Variants in CFAP69 observed in about 807,000 individuals in gnomAD.
The protein encoded by CFAP69 is cilia and flagella associated protein 69.
Under a neutral mutation model 123.0 loss-of-function variants are expected in CFAP69, and 92 were observed. The observed-to-expected ratio is 0.75, with a 90% CI of 0.63 to 0.89. The LOEUF is 0.89. Ranked by LOEUF, CFAP69 falls within the 40% of genes least tolerant of loss-of-function variation. The pLI, the probability that CFAP69 is intolerant of heterozygous loss-of-function variation, is 0.00. For synonymous variants in CFAP69, 380 were observed against 364.3 expected, an observed-to-expected ratio of 1.04 and a Z score of -0.49; for missense variants, 1,067 against 1,096.9, an observed-to-expected ratio of 0.97 and a Z score of 0.39.
intron 21 of CFAP69, among the ~76,000 whole-genome samples, chr7:90,308,087 T>C (rs1793870600): frequency 6.6e-6 from 1 of 152,204 alleles, no homozygotes; most frequent in Non-Finnish European, 1.5e-5. Context: ...GCTGATGTTC[T>C]TGACCTACAT....
In CFAP69 at chr7:90,255,443, C is replaced by T. The variant is rs753783546; in HGVS notation, c.141C>T (p.Asp47=). 34 of 1,612,578 alleles carry T rather than the reference C, an allele frequency of 2.1e-5. No individual in the cohort carries two copies. The highest frequency in any genetic ancestry group is 2.6e-5 in the Non-Finnish European group (31 of 1,179,202). Residue 47 remains aspartate, a synonymous_variant, in exon 2 of 23, where the codon GAC becomes GAT. Transcript: ENST00000389297. The part of the protein sequence containing the change: ...DEAQDVFKPM[D]LNRVIKLLEE... ...TTTAGGATGTTTTCAAGCCTATGGA[C>T]CTTAATCGTGTCATCAAACTCCTCG...
intron 4 of CFAP69, among the ~76,000 whole-genome samples, chr7:90,263,958 G>A (rs1798689809): frequency 6.6e-6 from 1 of 151,296 alleles, no homozygotes; most frequent in Non-Finnish European, 1.5e-5. Flanking sequence ...GGGCGTGGTG[G>A]CAGGCACCTG....
intron 15 of CFAP69, among the ~76,000 whole-genome samples, chr7:90,288,623 C>T (rs1446001520): frequency 6.6e-6 from 1 of 151,794 alleles, no homozygotes; most frequent in Non-Finnish European, 1.5e-5. Flanking sequence ...CTAAACATAC[C>T]TAAACATTAA....
intron 20 of CFAP69, 114 bp downstream of exon 20, chr7:90,307,212 G>GT: frequency 1.4e-6 from 1 of 723,540 alleles, no homozygotes. Flanking sequence ...GACAACTATA[G>GT]TAACAATAAT....
At chr7:90,308,271 G>A (rs1181869849) in intron 21 of CFAP69, among the ~76,000 whole-genome samples, 1 of 152,114 alleles carries the variant, frequency 6.6e-6, no homozygotes, top group Non-Finnish European at 1.5e-5. Flanking sequence ...ACCAAAAGAA[G>A]CATTATGTTA....
intron 4 of CFAP69, 97 bp downstream of exon 4, chr7:90,262,153 T>TC: frequency 9.5e-6 from 7 of 734,562 alleles, no homozygotes; most frequent in Non-Finnish European, 1.5e-5. Flanking sequence ...GTGTAGCAGA[T>TC]TGCTACAGAA....
In CFAP69 at chr7:90,273,999, AG is replaced by A; in HGVS notation, c.874del (p.Val292TyrfsTer7). The A allele has an allele frequency of 6.3e-7, 1 of 1,596,414 alleles. No individual in the cohort carries two copies. The highest frequency in any genetic ancestry group is 1.1e-5 in the South Asian group (1 of 87,392). ...NLECLLALKE[V>X]FKNLFMRGFS... ...TTTTACTTTCTAGGGCTTTGAAGGAAGTATTTAAAAATCTGTTTATGAGAGG... is the reference window on the plus strand; with the variant it reads ...TTTTACTTTCTAGGGCTTTGAAGGAATATTTAAAAATCTGTTTATGAGAGG... On this transcript the variant is annotated frameshift_variant, in exon 9 of 23. Transcript: ENST00000389297. LOFTEE classifies it high-confidence loss of function.
At chr7:90,301,265 C>T (rs1289374898) in intron 17 of CFAP69, 4 of 152,246 alleles carry the variant, frequency 2.6e-5, no homozygotes, top group East Asian at 1.9e-4. Flanking sequence ...AGCCACTGCA[C>T]CCCGCCTACA....
Position 90,277,129 on chromosome 7 carries a change from G to T in CFAP69, c.1033+8G>T. 1.3e-6 allele frequency: 2 copies of T among 1,577,406 alleles called. No homozygotes were observed. The highest frequency in any genetic ancestry group is 8.6e-7 in the Non-Finnish European group (1 of 1,161,752). ...TTGCCACCTTTAATGAAGGTAAAAA[G>T]AATAAAACTTTAAACTTCTTATAAT... On this transcript the variant is annotated splice_region_variant and intron_variant, in intron 10 of 22. Coordinates refer to ENST00000389297, the MANE Select transcript of CFAP69 (RefSeq NM_001039706.3).
intron 13 of CFAP69, among the ~76,000 whole-genome samples, chr7:90,285,807 G>A (rs900810386): frequency 4.6e-5 from 7 of 152,200 alleles, no homozygotes; most frequent in Admixed American, 1.3e-4. Flanking sequence ...TGAGCAAAGT[G>A]TCAGGTTATT....
chr7:90,282,961 G>C lies in CFAP69; in HGVS notation c.1442G>C (p.Arg481Pro). ...CGAGGCAACAAGTTTGCCCAGATGC[G>C]TTACAGTTTAAGACTCCTGAGAGCC... ...GGRGNKFAQMRYSLRLLRAVV... is the reference protein window; with the variant it reads ...GGRGNKFAQMPYSLRLLRAVV... Residue 481 changes from arginine (R) to proline (P), a missense_variant, in exon 13 of 23, where the codon CGT (arginine) becomes CCT (proline). Physicochemically the swap from Arg to Pro is moderately radical, Grantham distance 103. Transcript: ENST00000389297. 3.1e-6 allele frequency: 5 copies of C among 1,599,474 alleles called. No homozygotes were observed. Among genetic ancestry groups the C allele is most frequent in the Non-Finnish European group, 4.3e-6 (5 of 1,173,690 alleles).
At position 90,304,788 on chromosome 7, in the gene CFAP69, C is replaced by G; in HGVS notation, c.2233C>G (p.Leu745Val). 1.3e-6 allele frequency: 2 copies of G among 1,562,948 alleles called. No homozygotes were observed. Among genetic ancestry groups the G allele is most frequent in the Non-Finnish European group, 1.8e-6 (2 of 1,139,182 alleles). ...PGLSAEDFVT[L>V]CIIHRYLDFK... ...CCTATCTGCTGAAGATTTTGTCACCCTTTGTATCATACATAGATATCTTGA... is the reference window on the plus strand; with the variant it reads ...CCTATCTGCTGAAGATTTTGTCACCGTTTGTATCATACATAGATATCTTGA... Residue 745 changes from leucine to valine, a missense_variant, in exon 19 of 23, where the codon CTT becomes GTT. Coordinates refer to ENST00000389297, the MANE Select transcript of CFAP69 (RefSeq NM_001039706.3).
chr7:90,306,682 A>G (rs180765312), intron 19 of CFAP69, among the ~76,000 whole-genome samples: 15 of 152,344 alleles, frequency 9.8e-5, no homozygotes, highest in Non-Finnish European at 1.3e-4. Context: ...AGCCTTATCC[A>G]TGAATAACAT....
intron 15 of CFAP69, among the ~76,000 whole-genome samples, chr7:90,291,343 G>A (rs1168848172): frequency 2.6e-5 from 4 of 152,124 alleles, no homozygotes; most frequent in African/African-American, 9.7e-5. Context: ...TTGCACTGGT[G>A]GGAGTGTAGC....
rs754514777 is a variant in CFAP69, at chr7:90,282,440, T to A, written c.1373-452T>A. On this transcript the variant is annotated intron_variant, in intron 12 of 22. Transcript: ENST00000389297. ...CACCTTTAGTAAAATTCAATGTGGA[T>A]GTATCCTGTATTATTCTGGTCACAT... 1.4e-3 allele frequency among the ~76,000 whole-genome samples: 207 copies of A among 152,336 alleles called. 2 individuals are homozygous for A. The highest frequency in any genetic ancestry group is 2.7e-3 in the Non-Finnish European group (181 of 68,034).
In CFAP69 at chr7:90,310,527, A is replaced by G. The variant is rs1584571610; in HGVS notation, c.*289A>G. ...TGTTGGTTGCATGTGAACTATTCTA[A>G]CTAGTTTAAGTCAGAAAAAAAATTT... is the stretch of plus-strand genomic sequence containing the variant. On this transcript the variant is annotated 3_prime_UTR_variant, in exon 23 of 23. Coordinates refer to ENST00000389297, the MANE Select transcript of CFAP69 (RefSeq NM_001039706.3). The G allele has an allele frequency of 2.3e-5, 4 of 175,446 alleles. No homozygotes were observed. The Admixed American group carries it at 2.5e-4, about 11-fold the overall frequency. 10.9% of individuals were successfully genotyped at this position (175,446 alleles called of 1,614,324 possible).
Position 90,261,939 on chromosome 7 carries a change from T to G in CFAP69, c.247-8T>G. On this transcript the variant is annotated splice_region_variant and splice_polypyrimidine_tract_variant and intron_variant, in intron 3 of 22. Transcript: ENST00000389297. ...CTGAATTTTATTTCTTAACTAAAAATATTAAAGCCATTAAGGGATTTAGCA... is the reference window on the plus strand; with the variant it reads ...CTGAATTTTATTTCTTAACTAAAAAGATTAAAGCCATTAAGGGATTTAGCA... 7.2e-7 allele frequency: 1 copy of G among 1,398,246 alleles called. No homozygotes were observed. 86.6% of individuals were successfully genotyped at this position (1,398,246 alleles called of 1,614,324 possible). A position where few individuals can be genotyped will look rare whatever the true frequency, so the allele number is the denominator to read the frequency against.
chr7:90,309,196 A>G lies in CFAP69; in HGVS notation c.2551-67A>G. 5 of 749,988 alleles carry G rather than the reference A, an allele frequency of 6.7e-6. No individual in the cohort carries two copies. The South Asian group carries it at 1.1e-4, about 17-fold the overall frequency. 46.5% of individuals were successfully genotyped at this position (749,988 alleles called of 1,614,324 possible). On this transcript the variant is annotated intron_variant, in intron 21 of 22. Coordinates refer to ENST00000389297, the MANE Select transcript of CFAP69 (RefSeq NM_001039706.3). ...CCAGACACAATTAAATATGTTTTTC[A>G]TTGTAAGTACCATCATTACTGATTT...
At position 90,307,802 on chromosome 7, in the gene CFAP69, A is replaced by G; in HGVS notation, c.2498A>G (p.Asn833Ser). ...QATHKQRELA[N>S]KSWEDFLART... Reference sequence around the variant, plus strand: ...ACGCACAAGCAAAGAGAGCTGGCTAATAAATCATGGGAAGATTTCTTGGCT... The same window carrying G: ...ACGCACAAGCAAAGAGAGCTGGCTAGTAAATCATGGGAAGATTTCTTGGCT... The change falls in exon 21 of 23, where the codon AAT becomes AGT. Residue 833 changes from asparagine (N) to serine (S), a missense_variant. Asn to Ser is a conservative substitution (Grantham distance 46, BLOSUM62 1). Transcript: ENST00000389297. 1 of 1,612,334 alleles carries G rather than the reference A, an allele frequency of 6.2e-7. No individual in the cohort carries two copies. The highest frequency in any genetic ancestry group is 8.5e-7 in the Non-Finnish European group (1 of 1,179,028).
Sources: allele counts gnomAD v4.1 joint callset (sites outside exome capture counted in the v4.1 genomes callset), GRCh38; gene constraint gnomAD v4.1.1; transcripts MANE v1.5; gene names NCBI Gene and HGNC (gene_info 2026-07-23, HGNC 2026-07-21).